The following MTARC1 variants were observed in gnomAD, a reference collection of about 807,000 sequenced individuals.
The protein encoded by MTARC1 is mitochondrial amidoxime-reducing component 1.
MTARC1 carries 24 observed loss-of-function variants against 33.6 expected under a neutral mutation model. The observed-to-expected ratio is 0.72, with a 90% confidence interval of 0.52 to 1.01. MTARC1 has a LOEUF of 1.01. Among genes scored for constraint, MTARC1 ranks in the 50% least tolerant of loss-of-function variants. The pLI, the probability that MTARC1 is intolerant of heterozygous loss-of-function variation, is 0.00. For missense variants in MTARC1, 417 were observed against 445.7 expected (o/e 0.94, Z 0.58); for synonymous variants, 187 against 189.5 (o/e 0.99, Z 0.11).
rs973162463 is a variant in MTARC1 at position 220,814,537 on chromosome 1, A to G, written c.*1119A>G. 6.6e-6 allele frequency: 1 copy of G among 152,200 alleles called. No individual in the cohort carries two copies. The highest frequency in any genetic ancestry group is 1.5e-5 in the Non-Finnish European group (1 of 68,094). 9.4% of individuals were successfully genotyped at this position (152,200 alleles called of 1,614,324 possible). On this transcript the variant is annotated 3_prime_UTR_variant, in exon 7 of 7. Transcript: ENST00000366910. ...GAGCCCAGGAGTTTGAGACCAGCCC[A>G]GAAAATATAATGGGATCCTGTCGCT...
chr1:220,813,698 T>C lies in MTARC1; in HGVS notation c.*280T>C. On this transcript the variant is annotated 3_prime_UTR_variant, in exon 7 of 7. Transcript: ENST00000366910. The stretch of plus-strand genomic sequence containing the variant: ...CCCCGTTTAACTGATTATGGAATAG[T>C]TCTTTCTCCTGCTTCTCCGTTTATC... 1 of 349,444 alleles carries C rather than the reference T, an allele frequency of 2.9e-6. No homozygotes were observed. The allele number at this position is 349,444 out of a possible 1,614,324, so 21.6% of individuals were successfully genotyped here.
chr1:220,791,528 A>T lies in MTARC1; in HGVS notation c.313A>T (p.Thr105Ser), dbSNP rs756169009. The change falls in exon 2 of 7, where the codon ACT becomes TCT. Residue 105 changes from threonine (T) to serine (S), a missense_variant. Coordinates refer to ENST00000366910, the MANE Select transcript of MTARC1 (RefSeq NM_022746.4). ...LVINQEGNMV[T>S]ARQEPRLVLI... ...GATCAACCAGGAGGGAAACATGGTT[A>T]CTGCTCGCCAGGAACCTCGCCTGGT... The T allele has an allele frequency of 5.6e-6, 9 of 1,614,040 alleles. No homozygotes were observed. Among genetic ancestry groups the T allele is most frequent in the Non-Finnish European group, 4.2e-6 (5 of 1,180,038 alleles).
chr1:220,793,333 A>G (rs993203027), intron 2 of MTARC1: 3 of 152,082 alleles, frequency 2.0e-5, no homozygotes, highest in Non-Finnish European at 4.4e-5. Flanking sequence ...TTAATTTTTA[A>G]TTCATTTGAA....
Position 220,808,512 on chromosome 1 carries a change from A to G in MTARC1, c.887+3238A>G, listed in dbSNP as rs972954796. On this transcript the variant is annotated intron_variant, in intron 6 of 6. Coordinates refer to ENST00000366910, the MANE Select transcript of MTARC1 (RefSeq NM_022746.4). ...GAAGAGAAAGGCCTGGCCACATCCCATAAATCATGGGAAGGGAAGCAAACA... is the reference window on the plus strand; with the variant it reads ...GAAGAGAAAGGCCTGGCCACATCCCGTAAATCATGGGAAGGGAAGCAAACA... Among the ~76,000 whole-genome samples the G allele has an allele frequency of 2.6e-5, 4 of 152,238 alleles. No individual in the cohort carries two copies. The South Asian group carries it at 8.3e-4, about 31-fold the overall frequency.
intron 6 of MTARC1, among the ~76,000 whole-genome samples, chr1:220,810,252 A>G (rs1402773023): frequency 6.6e-6 from 1 of 152,226 alleles, no homozygotes; most frequent in Non-Finnish European, 1.5e-5. Context: ...ATACTGTTTC[A>G]GAGTGTTGAA....
intron 4 of MTARC1, chr1:220,798,790 C>A: frequency 1.1e-6 from 1 of 910,082 alleles, no homozygotes; most frequent in Non-Finnish European, 1.3e-6. Context: ...GTAAAGGGGA[C>A]CATATAGTGG....
chr1:220,790,337 T>A (rs1672382698), intron 1 of MTARC1, among the ~76,000 whole-genome samples: 1 of 152,176 alleles, frequency 6.6e-6, no homozygotes, highest in South Asian at 2.1e-4. Flanking sequence ...GGGCACGCCC[T>A]TGTTTAGGAG....
At chr1:220,805,381 T>C (rs895213538) in intron 6 of MTARC1, 107 bp downstream of exon 6, 20 of 1,214,270 alleles carry the variant, frequency 1.6e-5, no homozygotes, top group Non-Finnish European at 2.4e-5. Context: ...ACCACACACA[T>C]AGTCTTGAAA....
In MTARC1 at chr1:220,797,941, G is replaced by C; in HGVS notation, c.680G>C (p.Arg227Thr). ...GCGTCGCTGGCGGATCTCAACTCCA[G>C]GCTAGAGAAGAAAGTTAAAGCAACC... ...SEASLADLNSRLEKKVKATNF... is the reference protein window; with the variant it reads ...SEASLADLNSTLEKKVKATNF... The change falls in exon 4 of 7, where the codon AGG becomes ACG. Residue 227 changes from arginine (R) to threonine (T), a missense_variant. Coordinates refer to ENST00000366910, the MANE Select transcript of MTARC1 (RefSeq NM_022746.4). The C allele has an allele frequency of 6.2e-7, 1 of 1,614,186 alleles. No individual in the cohort carries two copies. Among genetic ancestry groups the C allele is most frequent in the South Asian group, 1.1e-5 (1 of 91,086 alleles).
chr1:220,801,394 A>G (rs1052056082), intron 4 of MTARC1, among the ~76,000 whole-genome samples: 1 of 152,058 alleles, frequency 6.6e-6, no homozygotes, highest in African/African-American at 2.4e-5. Flanking sequence ...GTACTCAGGT[A>G]TCAGTGTATT....
chr1:220,803,373 T>C (rs889607872), intron 4 of MTARC1, among the ~76,000 whole-genome samples: 9 of 152,180 alleles, frequency 5.9e-5, no homozygotes, highest in African/African-American at 2.2e-4. Flanking sequence ...CAATTCAAGA[T>C]GAGATTTGGG....
intron 2 of MTARC1, among the ~76,000 whole-genome samples, chr1:220,795,932 T>C (rs1471643510): frequency 1.3e-5 from 2 of 152,142 alleles, no homozygotes; most frequent in Non-Finnish European, 2.9e-5. Context: ...ATGCCAGCAG[T>C]GGTAATGGTC....
intron 4 of MTARC1, among the ~76,000 whole-genome samples, chr1:220,799,569 T>G (rs1672722009): frequency 6.6e-6 from 1 of 152,196 alleles, no homozygotes; most frequent in Non-Finnish European, 1.5e-5. Flanking sequence ...GTATGTTGTC[T>G]CTTCTATGCC....
chr1:220,794,832 T>G (rs920875966), intron 2 of MTARC1, among the ~76,000 whole-genome samples: 4 of 152,112 alleles, frequency 2.6e-5, no homozygotes, highest in African/African-American at 9.7e-5. Context: ...ATGGGTGGGG[T>G]GACAGTGTGT....
intron 4 of MTARC1, among the ~76,000 whole-genome samples, chr1:220,800,110 G>A (rs1288663682): frequency 6.6e-6 from 1 of 152,092 alleles, no homozygotes; most frequent in Non-Finnish European, 1.5e-5. Flanking sequence ...AGTAAGATTC[G>A]GATGACAGGA....
At chr1:220,787,959 G>GA (rs1386823133) in intron 1 of MTARC1, among the ~76,000 whole-genome samples, 8 of 152,090 alleles carry the variant, frequency 5.3e-5, no homozygotes, top group Non-Finnish European at 8.8e-5. Context: ...AGTGAGCCAG[G>GA]ATTGCGCCAC....
At chr1:220,789,107 G>A (rs1251143921) in intron 1 of MTARC1, among the ~76,000 whole-genome samples, 15 of 151,912 alleles carry the variant, frequency 9.9e-5, no homozygotes, top group Admixed American at 7.9e-4. Flanking sequence ...TAGAGGATGC[G>A]ACACGTGCCA....
At chr1:220,799,487 T>G (rs992042885) in intron 4 of MTARC1, among the ~76,000 whole-genome samples, 2 of 152,236 alleles carry the variant, frequency 1.3e-5, no homozygotes, top group African/African-American at 4.8e-5. Context: ...CCATTTCTCC[T>G]GAGAACGTTC....
chr1:220,796,048 G>A (rs1045627052), intron 2 of MTARC1, among the ~76,000 whole-genome samples: 3 of 152,102 alleles, frequency 2.0e-5, no homozygotes, highest in African/African-American at 7.2e-5. Flanking sequence ...ATGTGCTGGG[G>A]AGTGGGAACT....
Sources: allele counts gnomAD v4.1 joint callset (sites outside exome capture counted in the v4.1 genomes callset), GRCh38; gene constraint gnomAD v4.1.1; transcripts MANE v1.5; gene names NCBI Gene and HGNC (gene_info 2026-07-23, HGNC 2026-07-21).